MYT1: variants seen among roughly 807,000 people sequenced by gnomAD.
MYT1 encodes myelin transcription factor 1, also known as myelin transcription factor I.
A neutral mutation model predicts 123.0 loss-of-function variants in MYT1; 23 were observed. The ratio of observed to expected loss-of-function variants is 0.19; its 90% confidence interval spans 0.13 to 0.26. The LOEUF (loss-of-function observed/expected upper bound fraction) is 0.26. Among genes scored for constraint, MYT1 ranks in the 10% least tolerant of loss-of-function variants. The pLI, the probability that MYT1 is intolerant of heterozygous loss-of-function variation, is 1.00. For missense variants in MYT1, 1,125 were observed against 1,472.5 expected (o/e 0.76, Z 3.86); for synonymous variants, 518 against 575.3 (o/e 0.90, Z 1.43).
intron 1 of MYT1, among the ~76,000 whole-genome samples, chr20:64,187,359 G>A (rs576054766): frequency 0.018 from 2,650 of 149,702 alleles, 16 homozygotes; most frequent in Middle Eastern, 0.061. Flanking sequence ...CTGTGGCCCC[G>A]GCATCCACGT....
intron 1 of MYT1, among the ~76,000 whole-genome samples, chr20:64,181,386 G>A (rs963201729): frequency 3.9e-5 from 6 of 151,914 alleles, no homozygotes; most frequent in South Asian, 2.1e-4. Flanking sequence ...CGTTTCCTCC[G>A]TCTCTGCTAT....
chr20:64,207,775 C>T lies in MYT1; in HGVS notation c.579C>T (p.Gly193=). 2 of 1,613,908 alleles carry T rather than the reference C, an allele frequency of 1.2e-6. No homozygotes were observed. The highest frequency in any genetic ancestry group is 1.7e-6 in the Non-Finnish European group (2 of 1,179,986). The change falls in exon 7 of 23, where the codon GGC becomes GGT. Residue 193 remains glycine, a synonymous_variant. Coordinates refer to ENST00000328439, the MANE Select transcript of MYT1 (RefSeq NM_004535.3). ...GCCAGGCGGCCAAGCCAGGTCCTGGCATTGTGCACCTGCTTCAGGAGGCTG... is the reference window on the plus strand; with the variant it reads ...GCCAGGCGGCCAAGCCAGGTCCTGGTATTGTGCACCTGCTTCAGGAGGCTG... ...DLGQAAKPGP[G]IVHLLQEAAE...
chr20:64,215,467 G>A (rs1209005933), intron 10 of MYT1, among the ~76,000 whole-genome samples: 1 of 152,122 alleles, frequency 6.6e-6, no homozygotes, highest in Non-Finnish European at 1.5e-5. Context: ...CGAACTTTGG[G>A]GTGTGAGGAC....
chr20:64,199,965 C>G (rs749300392), intron 4 of MYT1, 43 bp downstream of exon 4: 4 of 1,606,168 alleles, frequency 2.5e-6, no homozygotes, highest in Non-Finnish European at 3.4e-6. Flanking sequence ...GTCTATGTGC[C>G]TGTGACCCTG....
chr20:64,231,595 G>A lies in MYT1; in HGVS notation c.2676-569G>A, dbSNP rs1327423512. Among the ~76,000 whole-genome samples, 3 of 152,220 alleles carry A rather than the reference G, an allele frequency of 2.0e-5. No individual in the cohort carries two copies. Among genetic ancestry groups the A allele is most frequent in the African/African-American group, 7.2e-5 (3 of 41,450 alleles). On this transcript the variant is annotated intron_variant, in intron 18 of 22. Coordinates refer to ENST00000328439, the MANE Select transcript of MYT1 (RefSeq NM_004535.3). The surrounding 1 kb of genome is among the most constrained non-coding windows in gnomAD (Gnocchi z 6.4). ...CTTCTAGAACATAGATCTCAGTGGTGGCAAAGCTGCAACATCTATGGGCAT... is the reference window on the plus strand; with the variant it reads ...CTTCTAGAACATAGATCTCAGTGGTAGCAAAGCTGCAACATCTATGGGCAT...
chr20:64,170,884 T>TATATATATAG (rs1569303821), intron 1 of MYT1, among the ~76,000 whole-genome samples: 6 of 20,010 alleles, frequency 3.0e-4, no homozygotes, highest in Non-Finnish European at 4.0e-4. Flanking sequence ...TATATATATA[T>TATATATATAG]AGAGAGAGAG....
In MYT1 at chr20:64,191,887, A is replaced by T. The variant is rs748790947; in HGVS notation, c.-1+1727A>T. 6.6e-6 allele frequency: 1 copy of T among 152,096 alleles called. No homozygotes were observed. The highest frequency in any genetic ancestry group is 1.5e-5 in the Non-Finnish European group (1 of 68,022). 9.4% of individuals were successfully genotyped at this position (152,096 alleles called of 1,614,324 possible). On this transcript the variant is annotated intron_variant, in intron 2 of 22. Coordinates refer to ENST00000328439, the MANE Select transcript of MYT1 (RefSeq NM_004535.3). The surrounding 1 kb of genome is among the most constrained non-coding windows in gnomAD (Gnocchi z 4.1). ...AATTAAAATATTATTTATCTTGATC[A>T]TTGAGTTTTTGGCCTCATTCCCCTC...
rs879580787 is a variant in MYT1, at chr20:64,212,209, TGGTGGGGGCC to T, written c.1517+72_1517+81del. 7,747 of 33,648 alleles carry T rather than the reference TGGTGGGGGCC, an allele frequency of 0.23. 663 individuals carry two copies. The highest frequency in any genetic ancestry group is 0.38 in the African/African-American group (3,112 of 8,094). The allele number at this position is 33,648 out of a possible 1,614,324, so 2.1% of individuals were successfully genotyped here. On this transcript the variant is annotated intron_variant, in intron 9 of 22. Coordinates refer to ENST00000328439, the MANE Select transcript of MYT1 (RefSeq NM_004535.3). The surrounding 1 kb of genome is among the most constrained non-coding windows in gnomAD (Gnocchi z 6.8). ...GTGGTGGGGGCCAGGGTGGGGGCCG[TGGTGGGGGCC>T]AGGGTGGGGGCCGTGGTGGGGGCCA...
chr20:64,207,658 G>A lies in MYT1; in HGVS notation c.462G>A (p.Lys154=). ...NPIGSATASS[K]GSYSSYQGII... ...TCGGCAGCGCCACTGCCTCCTCCAAGGGCAGCTACAGCAGCTACCAGGGAA... is the reference window on the plus strand; with the variant it reads ...TCGGCAGCGCCACTGCCTCCTCCAAAGGCAGCTACAGCAGCTACCAGGGAA... The change falls in exon 7 of 23, where the codon AAG becomes AAA. Residue 154 remains lysine, a synonymous_variant. Coordinates refer to ENST00000328439, the MANE Select transcript of MYT1 (RefSeq NM_004535.3). 6 of 1,614,040 alleles carry A rather than the reference G, an allele frequency of 3.7e-6. No individual in the cohort carries two copies. Among genetic ancestry groups the A allele is most frequent in the African/African-American group, 1.3e-5 (1 of 75,034 alleles).
At chr20:64,214,368 T>A (rs899743780) in intron 10 of MYT1, among the ~76,000 whole-genome samples, 6 of 152,236 alleles carry the variant, frequency 3.9e-5, no homozygotes, top group African/African-American at 1.4e-4. Flanking sequence ...TGCGAGTATG[T>A]TTACATGTGC....
chr20:64,205,481 G>T (rs1601712364), intron 5 of MYT1, 72 bp from the exon 6 acceptor site: 2 of 1,569,260 alleles, frequency 1.3e-6, no homozygotes, highest in African/African-American at 2.7e-5. Context: ...CCCTCGGGAG[G>T]GGCTCATGGG....
chr20:64,238,874 G>A (rs1202006817), intron 21 of MYT1, among the ~76,000 whole-genome samples: 1 of 152,236 alleles, frequency 6.6e-6, no homozygotes, highest in Admixed American at 6.5e-5. Context: ...ATCTGAGGGA[G>A]TTTGGTGACT....
chr20:64,211,145 G>T, intron 7 of MYT1, 61 bp from the exon 8 acceptor site: 1 of 1,564,038 alleles, frequency 6.4e-7, no homozygotes, highest in Non-Finnish European at 8.7e-7. Context: ...AGCTACCCCT[G>T]CCCCCTCTCT....
intron 10 of MYT1, among the ~76,000 whole-genome samples, chr20:64,214,986 C>A (rs7271823): frequency 0.13 from 20,401 of 152,206 alleles, 1,690 homozygotes; most frequent in African/African-American, 0.23. Flanking sequence ...AGAGACTTGC[C>A]TTCCTGCTCT....
At position 64,240,626 on chromosome 20, in the gene MYT1, G is replaced by T. The variant is rs1984693376; in HGVS notation, c.*178G>T. The T allele has an allele frequency of 2.5e-6, 2 of 784,778 alleles. No individual in the cohort carries two copies. The highest frequency in any genetic ancestry group is 3.8e-4 in the Middle Eastern group (1 of 2,626). The allele number at this position is 784,778 out of a possible 1,614,324, so 48.6% of individuals were successfully genotyped here. A position where few individuals can be genotyped will look rare whatever the true frequency, so the allele number is the denominator to read the frequency against. On this transcript the variant is annotated 3_prime_UTR_variant, in exon 23 of 23. Coordinates refer to ENST00000328439, the MANE Select transcript of MYT1 (RefSeq NM_004535.3). ...GCCGCTCCCACGAGGCTCCCTCCAG[G>T]CTTGGGGCCGTGGTGGCCCTATCTG...
chr20:64,207,027 G>A (rs1013467480), intron 6 of MYT1, among the ~76,000 whole-genome samples: 1 of 152,130 alleles, frequency 6.6e-6, no homozygotes, highest in Admixed American at 6.5e-5. Context: ...GGGACTACAG[G>A]TGTGCACCAC....
intron 2 of MYT1, among the ~76,000 whole-genome samples, chr20:64,197,276 G>A (rs1983151887): frequency 2.0e-5 from 3 of 152,160 alleles, no homozygotes; most frequent in African/African-American, 4.8e-5. Context: ...GCATGGGGGA[G>A]GTTCAATTTG....
chr20:64,199,230 G>A (rs1983217222), intron 3 of MYT1, among the ~76,000 whole-genome samples: 1 of 152,202 alleles, frequency 6.6e-6, no homozygotes, highest in South Asian at 2.1e-4. Context: ...GCCTTCCACC[G>A]CCAGCCCCCT....
At chr20:64,228,418 C>T (rs1984231985) in intron 18 of MYT1, among the ~76,000 whole-genome samples, 1 of 152,210 alleles carries the variant, frequency 6.6e-6, no homozygotes, top group South Asian at 2.1e-4. Flanking sequence ...ACCCACACAC[C>T]TGTGCAGAGA....
Sources: gnomAD v4.1 joint callset for allele counts (sites outside exome capture counted in the v4.1 genomes callset) on GRCh38, gnomAD v4.1.1 for gene constraint, Gnocchi (gnomAD v3.1) non-coding constraint, MANE v1.5 for transcripts, NCBI Gene and HGNC (gene_info 2026-07-23, HGNC 2026-07-21) for gene names.